Variants in SLC43A1 observed in about 807,000 individuals in gnomAD.
SLC43A1 encodes large neutral amino acids transporter small subunit 3.
Under a neutral mutation model 59.5 loss-of-function variants are expected in SLC43A1, and 31 were observed. The ratio of observed to expected loss-of-function variants is 0.52; its 90% CI spans 0.39 to 0.70. The LOEUF is 0.70. SLC43A1 is among the 30% of genes least tolerant of loss of function. The pLI, the probability that SLC43A1 is intolerant of heterozygous loss-of-function variation, is 0.00. For missense variants in SLC43A1, 598 were observed against 717.8 expected (o/e 0.83, Z 1.91); for synonymous variants, 259 against 290.9 (o/e 0.89, Z 1.12).
At chr11:57,488,709 G>A (rs1184213827) in intron 13 of SLC43A1, among the ~76,000 whole-genome samples, 2 of 152,194 alleles carry the variant, frequency 1.3e-5, no homozygotes, top group African/African-American at 2.4e-5. Flanking sequence ...ATCAAGCCAG[G>A]TATTTCAGCT....
intron 5 of SLC43A1, among the ~76,000 whole-genome samples, chr11:57,498,355 C>T (rs776196021): frequency 2.2e-4 from 33 of 152,126 alleles, no homozygotes; most frequent in Non-Finnish European, 2.9e-4. Context: ...GCAGGAGAAT[C>T]GCTTGAACCT....
intron 11 of SLC43A1, among the ~76,000 whole-genome samples, chr11:57,490,387 C>T (rs1943865179): frequency 6.6e-6 from 1 of 152,062 alleles, no homozygotes; most frequent in Non-Finnish European, 1.5e-5. Context: ...CCTGGTATTC[C>T]CCTGCTTTGT....
At chr11:57,508,535 C>T (rs777047767) in intron 2 of SLC43A1, among the ~76,000 whole-genome samples, 3 of 152,142 alleles carry the variant, frequency 2.0e-5, no homozygotes, top group Non-Finnish European at 4.4e-5. Context: ...AGCCCGAGAG[C>T]CTCAAGGATT....
intron 2 of SLC43A1, among the ~76,000 whole-genome samples, chr11:57,502,802 C>T (rs571144059): frequency 2.8e-4 from 42 of 148,568 alleles, no homozygotes; most frequent in East Asian, 1.8e-3. Flanking sequence ...TGAGCCCGGG[C>T]GGTCGAGGCT....
At chr11:57,489,440 C>A in intron 11 of SLC43A1, 48 bp from the exon 12 acceptor site, 1 of 1,604,324 alleles carries the variant, frequency 6.2e-7, no homozygotes, top group Non-Finnish European at 8.5e-7. Context: ...GTTCCCAGGA[C>A]TCCCTGGTTC....
intron 11 of SLC43A1, among the ~76,000 whole-genome samples, chr11:57,490,926 C>G (rs1417965767): frequency 6.6e-6 from 1 of 152,184 alleles, no homozygotes; most frequent in Non-Finnish European, 1.5e-5. Context: ...CAACCCTGTA[C>G]CTCGGTTTCC....
intron 2 of SLC43A1, among the ~76,000 whole-genome samples, chr11:57,511,596 C>T (rs1944547817): frequency 6.6e-6 from 1 of 152,152 alleles, no homozygotes; most frequent in African/African-American, 2.4e-5. Context: ...TGAGCCACCA[C>T]ACCCAGCCAG....
intron 2 of SLC43A1, among the ~76,000 whole-genome samples, chr11:57,503,607 G>C (rs117227469): frequency 0.018 from 2,666 of 152,272 alleles, 52 homozygotes; most frequent in Non-Finnish European, 0.021. Context: ...ACAGACATGA[G>C]CAACTGTGCC....
intron 2 of SLC43A1, among the ~76,000 whole-genome samples, chr11:57,511,807 A>G (rs2135229617): frequency 6.6e-6 from 1 of 152,352 alleles, no homozygotes; most frequent in African/African-American, 2.4e-5. Context: ...ACATATTACA[A>G]GATTCCATTT....
rs575292228 is a variant in SLC43A1, at chr11:57,495,036, C to T, written c.693-865G>A. Among the ~76,000 whole-genome samples the T allele has an allele frequency of 7.8e-4, 119 of 151,818 alleles. 1 individual carries two copies. Among genetic ancestry groups the T allele is most frequent in the Admixed American group, 6.6e-5 (1 of 15,260 alleles). ...GCTAATTTTGTATTTTTAGTAGAGACGGTGTTTCTCCATGTTGGTCAGGCT... is the reference window on the plus strand; with the variant it reads ...GCTAATTTTGTATTTTTAGTAGAGATGGTGTTTCTCCATGTTGGTCAGGCT... On this transcript the variant is annotated intron_variant, in intron 7 of 14. Transcript: ENST00000278426.
At position 57,493,948 on chromosome 11, in the gene SLC43A1, C is replaced by T. The variant is rs776308494; in HGVS notation, c.871+45G>A. On this transcript the variant is annotated intron_variant, in intron 8 of 14. Coordinates refer to ENST00000278426, the MANE Select transcript of SLC43A1 (RefSeq NM_003627.6). ...TGAGTGCTCACTGAATATGAGGACC[C>T]ACCATCACTATCCCCCAAGGCCGGC... 2.6e-6 allele frequency: 4 copies of T among 1,529,114 alleles called. No individual in the cohort carries two copies. In the Admixed American group the frequency reaches 6.6e-5, roughly 25 times the overall value. The allele number at this position is 1,529,114 out of a possible 1,614,324, so 94.7% of individuals were successfully genotyped here. A position where few individuals can be genotyped will look rare whatever the true frequency, so the allele number is the denominator to read the frequency against.
Position 57,494,081 on chromosome 11 carries a change from G to A in SLC43A1, c.783C>T (p.Leu261=), listed in dbSNP as rs1944008409. 1 of 1,611,548 alleles carries A rather than the reference G, an allele frequency of 6.2e-7. No individual in the cohort carries two copies. Among genetic ancestry groups the A allele is most frequent in the Non-Finnish European group, 8.5e-7 (1 of 1,178,874 alleles). The change falls in exon 8 of 15, where the codon CTC becomes CTT. Residue 261 remains leucine, a synonymous_variant. Transcript: ENST00000278426. ...YTHVTTMGQR[L]SQKAPSLEDG... ...CCTCCAGGCTGGGGGCCTTCTGGCTGAGCCTCTGGCCCATGGTGGTCACAT... is the reference window on the plus strand; with the variant it reads ...CCTCCAGGCTGGGGGCCTTCTGGCTAAGCCTCTGGCCCATGGTGGTCACAT...
At position 57,501,142 on chromosome 11, in the gene SLC43A1, GCC is replaced by G. The variant is rs779887812; in HGVS notation, c.332+8_332+9del. The G allele has an allele frequency of 5.0e-6, 8 of 1,612,384 alleles. No homozygotes were observed. Among genetic ancestry groups the G allele is most frequent in the Non-Finnish European group, 6.8e-6 (8 of 1,179,572 alleles). On this transcript the variant is annotated splice_region_variant and intron_variant, in intron 3 of 14. Coordinates refer to ENST00000278426, the MANE Select transcript of SLC43A1 (RefSeq NM_003627.6). Reference sequence around the variant, plus strand: ...CTGTCCTCCCGTTCCCCATAGCCCAGCCACCTCACCTGCCAACCAGCCGCACG... The same window carrying G: ...CTGTCCTCCCGTTCCCCATAGCCCAGACCTCACCTGCCAACCAGCCGCACG...
At chr11:57,485,367 T>G in intron 14 of SLC43A1, 125 bp from the exon 15 acceptor site, 1 of 856,130 alleles carries the variant, frequency 1.2e-6, no homozygotes, top group South Asian at 1.8e-5. Context: ...CTAGTACTTA[T>G]TATGTGTAGT....
intron 5 of SLC43A1, among the ~76,000 whole-genome samples, chr11:57,500,466 G>T (rs1310328580): frequency 1.3e-5 from 2 of 152,122 alleles, no homozygotes; most frequent in African/African-American, 4.8e-5. Flanking sequence ...ACCTCCAGCA[G>T]GGAGGATGAC....
chr11:57,485,075 A>G lies in SLC43A1; in HGVS notation c.*21T>C. Reference sequence around the variant, plus strand: ...CTCAGGCCTTGATTGCCTGTCATCCAGGTCCCTTGGTCTGAGAAGTCTATG... The same window carrying G: ...CTCAGGCCTTGATTGCCTGTCATCCGGGTCCCTTGGTCTGAGAAGTCTATG... On this transcript the variant is annotated 3_prime_UTR_variant, in exon 15 of 15. Transcript: ENST00000278426. 1 of 1,597,422 alleles carries G rather than the reference A, an allele frequency of 6.3e-7. No homozygotes were observed. Among genetic ancestry groups the G allele is most frequent in the Non-Finnish European group, 8.5e-7 (1 of 1,173,426 alleles).
chr11:57,489,090 C>T (rs1943825943), intron 12 of SLC43A1, 101 bp from the exon 13 acceptor site: 4 of 1,429,138 alleles, frequency 2.8e-6, no homozygotes, highest in Non-Finnish European at 3.9e-6. Flanking sequence ...ATTCCCACCC[C>T]CTCGCCAACC....
chr11:57,510,646 A>AATAT (rs1027648906), intron 2 of SLC43A1, among the ~76,000 whole-genome samples: 1 of 151,320 alleles, frequency 6.6e-6, no homozygotes, highest in Non-Finnish European at 1.5e-5. Flanking sequence ...TAGTCTTAAA[A>AATAT]ATATATATAT....
chr11:57,511,959 T>A (rs1206304685), intron 2 of SLC43A1, among the ~76,000 whole-genome samples: 2 of 152,132 alleles, frequency 1.3e-5, no homozygotes, highest in Non-Finnish European at 2.9e-5. Context: ...GAGTTACTTT[T>A]GGGGATAAAG....
Sources: allele counts gnomAD v4.1 joint callset (sites outside exome capture counted in the v4.1 genomes callset), GRCh38; gene constraint gnomAD v4.1.1; transcripts MANE v1.5; gene names NCBI Gene and HGNC (gene_info 2026-07-23, HGNC 2026-07-21).